The following RAB38 variants were observed in gnomAD, a reference collection of about 807,000 sequenced individuals.
RAB38 encodes the protein RAB38, member RAS oncogene family.
A neutral mutation model predicts 18.4 loss-of-function variants in RAB38; 15 were observed. The observed-to-expected ratio is 0.82, with a 90% CI of 0.55 to 1.26. RAB38 has a LOEUF of 1.26. RAB38 is among the 50% of genes most tolerant of loss of function. The pLI, the probability that RAB38 is intolerant of heterozygous loss-of-function variation, is 0.00. For missense variants in RAB38, 294 were observed against 267.4 expected (o/e 1.10, Z -0.69); for synonymous variants, 101 against 104.4 (o/e 0.97, Z 0.20).
At chr11:88,108,385 T>A (rs1444669185), downstream of RAB38, among the ~76,000 whole-genome samples, 5 of 152,218 alleles carry the variant, frequency 3.3e-5, no homozygotes, top group East Asian at 1.9e-4. Flanking sequence ...CCCTTCTTTG[T>A]CTTTTTTGAT....
At chr11:87,976,671 TGA>T in the RAB38 span, among the ~76,000 whole-genome samples, 43 of 113,896 alleles carry the variant, frequency 3.8e-4, no homozygotes, top group Admixed American at 6.6e-4. Flanking sequence ...TAATTTTATA[TGA>T]TATATATTTA....
the RAB38 span, among the ~76,000 whole-genome samples, chr11:87,812,968 G>A: frequency 0.96 from 145,667 of 152,226 alleles, 69,721 homozygotes; most frequent in East Asian, 1. Flanking sequence ...AATTCTCCGA[G>A]AATGAATAGT....
At chr11:88,034,879 G>A in the RAB38 span, among the ~76,000 whole-genome samples, 1 of 152,200 alleles carries the variant, frequency 6.6e-6, no homozygotes, top group Non-Finnish European at 1.5e-5. Flanking sequence ...AGAATTGTGA[G>A]TCATAGATCT....
At chr11:88,006,658 A>G in the RAB38 span, among the ~76,000 whole-genome samples, 2 of 148,966 alleles carry the variant, frequency 1.3e-5, no homozygotes, top group Admixed American at 1.3e-4. Flanking sequence ...CACACAGTGG[A>G]ATACTATTCA....
chr11:87,954,155 CTGG>C, the RAB38 span, among the ~76,000 whole-genome samples: 1 of 152,098 alleles, frequency 6.6e-6, no homozygotes, highest in Non-Finnish European at 1.5e-5. Context: ...AGTCTTGTGT[CTGG>C]TGGTTGATCA....
At chr11:88,045,578 T>C in the RAB38 span, among the ~76,000 whole-genome samples, 12,103 of 152,238 alleles carry the variant, frequency 0.08, 516 homozygotes, top group Middle Eastern at 0.13. Flanking sequence ...TCAACTCACC[T>C]GGCAGCCACT....
chr11:87,803,848 C>A, the RAB38 span, among the ~76,000 whole-genome samples: 1 of 152,198 alleles, frequency 6.6e-6, no homozygotes. Flanking sequence ...CAAGCAAGTT[C>A]AAAACTCAGC....
the RAB38 span, among the ~76,000 whole-genome samples, chr11:87,859,215 A>T: frequency 9.4e-3 from 1,434 of 152,102 alleles, 19 homozygotes; most frequent in East Asian, 0.039. Context: ...TTTATACGCC[A>T]TTGAGAAGAC....
the RAB38 span, among the ~76,000 whole-genome samples, chr11:87,853,996 G>A: frequency 9.7e-3 from 1,482 of 152,206 alleles, 11 homozygotes; most frequent in Non-Finnish European, 0.015. Flanking sequence ...TATCTTCATA[G>A]CCAGCAATGA....
At position 88,125,728 on chromosome 11, in the gene RAB38, T is replaced by C. The variant is rs530200426; in HGVS notation, c.484-11588A>G. Among the ~76,000 whole-genome samples, 12 of 152,314 alleles carry C rather than the reference T, an allele frequency of 7.9e-5. 1 individual carries two copies. In the South Asian group the frequency reaches 8.3e-4, roughly 11 times the overall value. On this transcript the variant is annotated intron_variant, in intron 2 of 2. Coordinates refer to ENST00000243662, the MANE Select transcript of RAB38 (RefSeq NM_022337.3). ...GAAGCTCTTTAGTTTAATTAGATCC[T>C]ATTTGTCAATTTTGGCTTTTGTTGC...
At chr11:88,062,977 A>G in the RAB38 span, among the ~76,000 whole-genome samples, 1 of 152,200 alleles carries the variant, frequency 6.6e-6, no homozygotes, top group Admixed American at 6.5e-5. Flanking sequence ...CTACCTTTTT[A>G]TATGTTGGAA....
the RAB38 span, among the ~76,000 whole-genome samples, chr11:88,104,059 C>G: frequency 6.6e-6 from 1 of 152,072 alleles, no homozygotes; most frequent in African/African-American, 2.4e-5. Context: ...CTGAACTTTT[C>G]CCCTATCTGG....
At chr11:87,923,253 C>T in the RAB38 span, among the ~76,000 whole-genome samples, 1 of 151,666 alleles carries the variant, frequency 6.6e-6, no homozygotes, top group Non-Finnish European at 1.5e-5. Context: ...AAAATGAAAC[C>T]GGAAAGAGAC....
At chr11:88,036,601 T>C in the RAB38 span, among the ~76,000 whole-genome samples, 1 of 152,146 alleles carries the variant, frequency 6.6e-6, no homozygotes, top group Non-Finnish European at 1.5e-5. Context: ...TTATTGAGTG[T>C]ACCTTCAAAA....
At chr11:88,096,905 G>A in the RAB38 span, among the ~76,000 whole-genome samples, 1 of 151,704 alleles carries the variant, frequency 6.6e-6, no homozygotes, top group Non-Finnish European at 1.5e-5. Context: ...TGGAAGGGGC[G>A]AGGGGGGACT....
the RAB38 span, among the ~76,000 whole-genome samples, chr11:87,818,598 T>C: frequency 6.6e-5 from 10 of 152,268 alleles, no homozygotes; most frequent in Non-Finnish European, 1.3e-4. Context: ...AAATTTTTAA[T>C]TGTGGCAATA....
At chr11:88,135,649 A>C (rs1942826610) in intron 2 of RAB38, among the ~76,000 whole-genome samples, 1 of 152,226 alleles carries the variant, frequency 6.6e-6, no homozygotes, top group African/African-American at 2.4e-5. Flanking sequence ...CTTTACAAAA[A>C]TCTGAAACAC....
the RAB38 span, among the ~76,000 whole-genome samples, chr11:87,965,840 T>G: frequency 6.6e-6 from 1 of 152,188 alleles, no homozygotes; most frequent in African/African-American, 2.4e-5. Flanking sequence ...AGTGGGAATT[T>G]GTGCATTATG....
chr11:88,104,596 CT>C, the RAB38 span, among the ~76,000 whole-genome samples: 2 of 152,042 alleles, frequency 1.3e-5, no homozygotes, highest in East Asian at 3.9e-4. Flanking sequence ...TAATGATTAT[CT>C]TGTGGTGTTG....
Sources: allele counts gnomAD v4.1 joint callset (sites outside exome capture counted in the v4.1 genomes callset), GRCh38; gene constraint gnomAD v4.1.1; transcripts MANE v1.5; gene names NCBI Gene and HGNC (gene_info 2026-07-23, HGNC 2026-07-21).